The following RGS7 variants were observed in gnomAD, a reference collection of about 807,000 sequenced individuals.
RGS7 encodes the protein regulator of G protein signaling 7, also known as regulator of G-protein signaling 7.
In RGS7, 27 loss-of-function variants were observed where a neutral mutation model predicts 81.1. The observed-to-expected ratio is 0.33, with a 90% CI of 0.25 to 0.46. The LOEUF is 0.46. Among genes scored for constraint, RGS7 ranks in the 20% least tolerant of loss-of-function variants. The pLI, the probability that RGS7 is intolerant of heterozygous loss-of-function variation, is 1.00. For synonymous variants in RGS7, 208 were observed against 207.7 expected, an observed-to-expected ratio of 1.00 and a Z score of -0.01; for missense variants, 396 against 607.4, an observed-to-expected ratio of 0.65 and a Z score of 3.66.
intron 2 of RGS7, among the ~76,000 whole-genome samples, chr1:241,270,330 A>G (rs917665949): frequency 1.1e-4 from 16 of 152,132 alleles, no homozygotes; most frequent in African/African-American, 3.6e-4. Context: ...CTAACACTAT[A>G]TTTTAAAATT....
intron 2 of RGS7, among the ~76,000 whole-genome samples, chr1:241,292,026 T>C (rs1035011700): frequency 2.0e-5 from 3 of 151,954 alleles, no homozygotes; most frequent in Non-Finnish European, 4.4e-5. Context: ...GATGCAGCCT[T>C]AGCCTCGGCC....
At chr1:240,815,136 G>A (rs1175623801) in intron 11 of RGS7, among the ~76,000 whole-genome samples, 2 of 152,024 alleles carry the variant, frequency 1.3e-5, no homozygotes, top group African/African-American at 4.8e-5. Context: ...CCAGGAATTC[G>A]AGACCAGCCT....
At chr1:240,814,668 T>C in intron 12 of RGS7, 48 bp downstream of exon 12, 1 of 1,120,596 alleles carries the variant, frequency 8.9e-7, no homozygotes, top group Non-Finnish European at 1.4e-6. Context: ...ACACATGTAA[T>C]TGTCATATGA....
At chr1:240,789,522 A>G (rs1685621183) in intron 18 of RGS7, among the ~76,000 whole-genome samples, 1 of 152,220 alleles carries the variant, frequency 6.6e-6, no homozygotes, top group African/African-American at 2.4e-5. Context: ...TCAGCAAGGA[A>G]CATCCCTGAG....
chr1:240,944,797 T>G (rs1308687913), intron 4 of RGS7, among the ~76,000 whole-genome samples: 2 of 152,208 alleles, frequency 1.3e-5, no homozygotes, highest in Non-Finnish European at 2.9e-5. Flanking sequence ...CACTGCAACC[T>G]CCGCCTTCCA....
intron 3 of RGS7, among the ~76,000 whole-genome samples, chr1:241,091,656 C>T (rs2063893109): frequency 6.6e-6 from 1 of 151,992 alleles, no homozygotes; most frequent in African/African-American, 2.4e-5. Flanking sequence ...GAGGAAGAGA[C>T]ATGAGGATCT....
At chr1:240,927,366 A>G (rs1163061127) in intron 6 of RGS7, among the ~76,000 whole-genome samples, 1 of 152,188 alleles carries the variant, frequency 6.6e-6, no homozygotes, top group Non-Finnish European at 1.5e-5. Flanking sequence ...CGCACAGCCA[A>G]TAAACTCTTC....
chr1:240,879,181 G>C (rs1329362416), intron 6 of RGS7, among the ~76,000 whole-genome samples: 2 of 152,118 alleles, frequency 1.3e-5, no homozygotes, highest in African/African-American at 4.8e-5. Context: ...CTGTTTTCTT[G>C]TATCTCCAAC....
rs1211846401 is a variant in RGS7 at position 240,884,055 on chromosome 1, G to A, written c.386-13936C>T. On this transcript the variant is annotated intron_variant, in intron 6 of 18. Coordinates refer to ENST00000440928, the MANE Select transcript of RGS7 (RefSeq NM_001364886.1). ...CACGCCATTGCACTCCAGCCTGGGC[G>A]ACAAGAGCAAAAACTCCATCTCAAA... is the stretch of plus-strand genomic sequence containing the variant. 3.2e-5 allele frequency among the ~76,000 whole-genome samples: 4 copies of A among 125,220 alleles called. No individual in the cohort carries two copies. The East Asian group carries it at 9.5e-4, about 30-fold the overall frequency. The allele number at this position is 125,220 out of a possible 152,430, so 82.1% of individuals were successfully genotyped here.
At chr1:241,209,454 T>A (rs1234842886) in intron 2 of RGS7, among the ~76,000 whole-genome samples, 1 of 152,204 alleles carries the variant, frequency 6.6e-6, no homozygotes, top group Non-Finnish European at 1.5e-5. Flanking sequence ...TAATTTACCA[T>A]TAATAATAGT....
At chr1:240,836,289 T>C (rs1011858415) in intron 9 of RGS7, among the ~76,000 whole-genome samples, 3 of 152,112 alleles carry the variant, frequency 2.0e-5, no homozygotes, top group Non-Finnish European at 4.4e-5. Flanking sequence ...AAACAACTCA[T>C]TCAAGAATAT....
chr1:241,342,618 C>T (rs2082630391), intron 2 of RGS7, among the ~76,000 whole-genome samples: 1 of 152,154 alleles, frequency 6.6e-6, no homozygotes, highest in African/African-American at 2.4e-5. Flanking sequence ...GAAGTTTCAA[C>T]AAAAACAACA....
intron 2 of RGS7, among the ~76,000 whole-genome samples, chr1:241,157,124 T>C (rs1428663834): frequency 1.4e-5 from 2 of 142,822 alleles, no homozygotes; most frequent in Non-Finnish European, 1.5e-5. Context: ...CTGGTGGAAT[T>C]AAAAAAAAAA....
intron 2 of RGS7, among the ~76,000 whole-genome samples, chr1:241,192,208 T>TGTGTG (rs1558174235): frequency 1.5e-5 from 1 of 64,648 alleles, no homozygotes; most frequent in African/African-American, 7.1e-5. Flanking sequence ...GTGTGTGTGT[T>TGTGTG]TTGCTTTGAT....
At chr1:241,172,425 T>A (rs369764367) in intron 2 of RGS7, among the ~76,000 whole-genome samples, 1 of 152,204 alleles carries the variant, frequency 6.6e-6, no homozygotes, top group African/African-American at 2.4e-5. Flanking sequence ...AATAAGAGCA[T>A]CTTAAAATCC....
At chr1:241,228,207 C>T (rs113119430) in intron 2 of RGS7, among the ~76,000 whole-genome samples, 4 of 152,140 alleles carry the variant, frequency 2.6e-5, no homozygotes, top group Admixed American at 6.6e-5. Flanking sequence ...GTGAGCCCAG[C>T]GTTCTGTCCA....
intron 3 of RGS7, among the ~76,000 whole-genome samples, chr1:241,042,679 C>G (rs866435531): frequency 1.3e-5 from 2 of 151,684 alleles, no homozygotes; most frequent in Non-Finnish European, 2.9e-5. Flanking sequence ...GTGGCTCACA[C>G]CTGTAATCCC....
rs1405756800 is a variant in RGS7, at chr1:241,089,059, CTCTCTATATATA to C, written c.175+9595_175+9606del. Among the ~76,000 whole-genome samples the C allele has an allele frequency of 1.3e-3, 55 of 44,000 alleles. 1 individual carries two copies. The highest frequency in any genetic ancestry group is 7.2e-3 in the Admixed American group (32 of 4,424). 28.9% of individuals were successfully genotyped at this position (44,000 alleles called of 152,430 possible). On this transcript the variant is annotated intron_variant, in intron 3 of 18. Coordinates refer to ENST00000440928, the MANE Select transcript of RGS7 (RefSeq NM_001364886.1). ...TCTCTCTCTCTCTCTCTCTCTCTCT[CTCTCTATATATA>C]TATATATATATATATATATATATAT... is the stretch of plus-strand genomic sequence containing the variant.
At chr1:240,912,082 C>T (rs1160039086) in intron 6 of RGS7, among the ~76,000 whole-genome samples, 2 of 123,558 alleles carry the variant, frequency 1.6e-5, no homozygotes, top group African/African-American at 3.0e-5. Flanking sequence ...ACCCATGAGG[C>T]GGAGCTTGCA....
Sources: allele counts gnomAD v4.1 joint callset (sites outside exome capture counted in the v4.1 genomes callset), GRCh38; gene constraint gnomAD v4.1.1; transcripts MANE v1.5; gene names NCBI Gene and HGNC (gene_info 2026-07-23, HGNC 2026-07-21).